RNGTT: variants seen among roughly 807,000 people sequenced by gnomAD.
The protein encoded by RNGTT is RNA guanylyltransferase and 5'-phosphatase.
RNGTT carries 33 observed loss-of-function variants against 79.3 expected under a neutral mutation model. The ratio of observed to expected loss-of-function variants is 0.42; its 90% CI spans 0.32 to 0.56. The LOEUF is 0.56. Ranked by LOEUF, RNGTT falls within the 20% of genes least tolerant of loss-of-function variation. RNGTT has a pLI of 0.17. For synonymous variants in RNGTT, 222 were observed against 235.9 expected, an observed-to-expected ratio of 0.94 and a Z score of 0.54; for missense variants, 497 against 739.1, an observed-to-expected ratio of 0.67 and a Z score of 3.80.
At chr6:88,877,287 C>A (rs1461888480) in intron 8 of RNGTT, among the ~76,000 whole-genome samples, 1 of 152,140 alleles carries the variant, frequency 6.6e-6, no homozygotes, top group African/African-American at 2.4e-5. Flanking sequence ...TGGGTCTCCA[C>A]CAACTAACAG....
intron 11 of RNGTT, among the ~76,000 whole-genome samples, chr6:88,829,777 T>C (rs1780795074): frequency 7.2e-6 from 1 of 139,300 alleles, no homozygotes; most frequent in Non-Finnish European, 1.6e-5. Context: ...CCAACAAAGA[T>C]CAAAAGAGAC....
At chr6:88,790,424 A>C (rs1779370743) in intron 12 of RNGTT, among the ~76,000 whole-genome samples, 1 of 152,184 alleles carries the variant, frequency 6.6e-6, no homozygotes. Flanking sequence ...GCTATGGTGG[A>C]GAAGATTCAA....
At chr6:88,896,248 C>G (rs910480748) in intron 6 of RNGTT, among the ~76,000 whole-genome samples, 2 of 152,150 alleles carry the variant, frequency 1.3e-5, no homozygotes, top group Non-Finnish European at 2.9e-5. Flanking sequence ...GCCCTCCCAA[C>G]CCACAAAGAT....
chr6:88,836,427 C>A (rs1781082224), intron 11 of RNGTT, among the ~76,000 whole-genome samples: 1 of 151,968 alleles, frequency 6.6e-6, no homozygotes, highest in Non-Finnish European at 1.5e-5. Flanking sequence ...CCGCAAAACC[C>A]TTACTAACAT....
chr6:88,915,212 T>G (rs778003780), intron 4 of RNGTT, among the ~76,000 whole-genome samples: 30 of 152,156 alleles, frequency 2.0e-4, no homozygotes, highest in Non-Finnish European at 2.9e-5. Context: ...AATTTGGAGA[T>G]TTCACAAAGA....
chr6:88,758,022 A>G (rs1778078037), intron 13 of RNGTT, among the ~76,000 whole-genome samples: 1 of 152,160 alleles, frequency 6.6e-6, no homozygotes, highest in East Asian at 1.9e-4. Context: ...GATTTAAAAG[A>G]TTTCAAAACT....
intron 8 of RNGTT, among the ~76,000 whole-genome samples, chr6:88,884,918 T>C (rs1229839897): frequency 6.6e-6 from 1 of 152,130 alleles, no homozygotes; most frequent in Admixed American, 6.5e-5. Flanking sequence ...GTAAATATTA[T>C]GGATAATGAA....
chr6:88,787,693 T>C (rs1779277829), intron 12 of RNGTT, among the ~76,000 whole-genome samples: 1 of 149,884 alleles, frequency 6.7e-6, no homozygotes. Flanking sequence ...GAAGAAAAGA[T>C]TGGAGGGAGG....
intron 11 of RNGTT, among the ~76,000 whole-genome samples, chr6:88,831,474 G>A (rs769374155): frequency 6.6e-6 from 1 of 152,104 alleles, no homozygotes; most frequent in Non-Finnish European, 1.5e-5. Flanking sequence ...CAAACCCACA[G>A]CCAATATCAT....
At position 88,941,058 on chromosome 6, in the gene RNGTT, T is replaced by C. The variant is rs1784829327; in HGVS notation, c.174+13A>G. On this transcript the variant is annotated intron_variant, in intron 2 of 15. Coordinates refer to ENST00000369485, the MANE Select transcript of RNGTT (RefSeq NM_003800.5). ...ATATTAAATCAGTGACAAAAATAAA[T>C]TTTGTTTCTTACCTTTAGGCTCTTT... The C allele has an allele frequency of 1.3e-6, 2 of 1,516,152 alleles. No homozygotes were observed. The highest frequency in any genetic ancestry group is 1.7e-4 in the Middle Eastern group (1 of 5,834). The allele number at this position is 1,516,152 out of a possible 1,614,324, so 93.9% of individuals were successfully genotyped here. A position where few individuals can be genotyped will look rare whatever the true frequency, so the allele number is the denominator to read the frequency against.
intron 13 of RNGTT, among the ~76,000 whole-genome samples, chr6:88,705,960 T>C (rs1188107978): frequency 7.6e-6 from 1 of 131,662 alleles, no homozygotes; most frequent in African/African-American, 4.2e-5. Flanking sequence ...ATGTGAATTA[T>C]TTGGGGCAGT....
chr6:88,673,008 C>T (rs1341552409), intron 14 of RNGTT, among the ~76,000 whole-genome samples: 1 of 152,114 alleles, frequency 6.6e-6, no homozygotes, highest in African/African-American at 2.4e-5. Context: ...TAACATGTGG[C>T]CAAATATCTA....
In RNGTT at chr6:88,961,896, C is replaced by T. The variant is rs73489981; in HGVS notation, c.64+1450G>A. Reference sequence around the variant, plus strand: ...TGTAATAGCTAAAAACTGGAAATAACCCAAATGACCATCAATAGATGAACA... The same window carrying T: ...TGTAATAGCTAAAAACTGGAAATAATCCAAATGACCATCAATAGATGAACA... On this transcript the variant is annotated intron_variant, in intron 1 of 15. Transcript: ENST00000369485. 5.6e-3 allele frequency among the ~76,000 whole-genome samples: 855 copies of T among 152,194 alleles called. 6 individuals carry two copies. The highest frequency in any genetic ancestry group is 0.02 in the African/African-American group (811 of 41,510).
intron 14 of RNGTT, among the ~76,000 whole-genome samples, chr6:88,623,949 C>A (rs1357041413): frequency 6.6e-6 from 1 of 151,994 alleles, no homozygotes; most frequent in Admixed American, 6.6e-5. Context: ...TATATACCAA[C>A]AATGAACAGT....
intron 1 of RNGTT, among the ~76,000 whole-genome samples, chr6:88,958,200 C>G (rs754575693): frequency 2.0e-5 from 3 of 152,094 alleles, no homozygotes; most frequent in Non-Finnish European, 4.4e-5. Context: ...ACTCATCTCT[C>G]ACCTTATACA....
intron 13 of RNGTT, among the ~76,000 whole-genome samples, chr6:88,712,873 G>T (rs942136201): frequency 6.6e-6 from 1 of 152,136 alleles, no homozygotes; most frequent in Non-Finnish European, 1.5e-5. Context: ...AAATCTCCAT[G>T]ATGTTACAAT....
intron 12 of RNGTT, among the ~76,000 whole-genome samples, chr6:88,790,412 G>C (rs1004861859): frequency 1.3e-5 from 2 of 152,174 alleles, no homozygotes; most frequent in Non-Finnish European, 2.9e-5. Context: ...GCTGAAGGCA[G>C]AGCTATGGTG....
intron 13 of RNGTT, among the ~76,000 whole-genome samples, chr6:88,706,205 T>C (rs2026021): frequency 0.12 from 17,988 of 152,054 alleles, 1,198 homozygotes; most frequent in Middle Eastern, 0.22. Context: ...ATCAATGAGA[T>C]AAGTATGTCA....
chr6:88,866,133 G>A (rs1249958345), intron 8 of RNGTT, among the ~76,000 whole-genome samples: 1 of 152,096 alleles, frequency 6.6e-6, no homozygotes, highest in East Asian at 1.9e-4. Flanking sequence ...TGTCAAGTTA[G>A]GACTAAATTC....
Sources: allele counts gnomAD v4.1 joint callset (sites outside exome capture counted in the v4.1 genomes callset), GRCh38; gene constraint gnomAD v4.1.1; transcripts MANE v1.5; gene names NCBI Gene and HGNC (gene_info 2026-07-23, HGNC 2026-07-21).